Variants in MDM4 observed in about 807,000 individuals in gnomAD.
MDM4 encodes the protein protein Mdm4.
In MDM4, 2 loss-of-function variants were observed where a neutral mutation model predicts 60.2. The observed-to-expected ratio is 0.03, with a 90% CI of 0.01 to 0.10. The LOEUF is 0.10. Among genes scored for constraint, MDM4 ranks in the 10% least tolerant of loss-of-function variants. MDM4 has a pLI of 1.00. For missense variants in MDM4, 447 were observed against 577.5 expected, an observed-to-expected ratio of 0.77 and a Z score of 2.32; for synonymous variants, 202 against 198.1, an observed-to-expected ratio of 1.02 and a Z score of -0.17.
At position 204,549,887 on chromosome 1, in the gene MDM4, T is replaced by TAA; in HGVS notation, c.*205_*206insAA. ...AAATTATTAAGTGCCATGGATTACT[T>TAA]TATGCAGCAGTCAGGTACATAGTTA... On this transcript the variant is annotated 3_prime_UTR_variant, in exon 11 of 11. Transcript: ENST00000367182. The TAA allele has an allele frequency of 2.2e-6, 1 of 448,746 alleles. No homozygotes were observed. The highest frequency in any genetic ancestry group is 3.9e-6 in the Non-Finnish European group (1 of 256,072). 27.8% of individuals were successfully genotyped at this position (448,746 alleles called of 1,614,324 possible).
At chr1:204,537,999 T>C in intron 6 of MDM4, 2 of 757,726 alleles carry the variant, frequency 2.6e-6, no homozygotes, top group East Asian at 2.5e-5. Flanking sequence ...GAGGTTTTTT[T>C]TCCCCCCAGG....
intron 3 of MDM4, chr1:204,528,829 C>CGT: frequency 6.7e-7 from 1 of 1,499,390 alleles, no homozygotes; most frequent in South Asian, 1.1e-5. Flanking sequence ...ACTCCACTCT[C>CGT]CACAGATGGG....
intron 3 of MDM4, chr1:204,528,906 A>C: frequency 6.3e-7 from 1 of 1,594,288 alleles, no homozygotes; most frequent in Non-Finnish European, 8.6e-7. Flanking sequence ...GTTGCCTTGT[A>C]CAGCTGTGTC....
chr1:204,544,267 C>T (rs1662423670), intron 8 of MDM4, among the ~76,000 whole-genome samples: 1 of 152,216 alleles, frequency 6.6e-6, no homozygotes, highest in African/African-American at 2.4e-5. Flanking sequence ...ACCTTTTAAA[C>T]TCTTCAGTAC....
chr1:204,542,492 A>G (rs991094787), intron 7 of MDM4, among the ~76,000 whole-genome samples: 1 of 152,154 alleles, frequency 6.6e-6, no homozygotes, highest in Admixed American at 6.6e-5. Flanking sequence ...CATTGTTCAG[A>G]TGCTTTTAGA....
At chr1:204,548,474 GAATTAAGCAA>G (rs1662883621) in intron 10 of MDM4, among the ~76,000 whole-genome samples, 1 of 152,040 alleles carries the variant, frequency 6.6e-6, no homozygotes, top group Non-Finnish European at 1.5e-5. Flanking sequence ...AGCTATTTTT[GAATTAAGCAA>G]AGCATTTAAA....
intron 3 of MDM4, 54 bp downstream of exon 3, chr1:204,526,488 GAGTCTCC>G: frequency 1.6e-6 from 2 of 1,222,314 alleles, no homozygotes; most frequent in South Asian, 2.7e-5. Flanking sequence ...TTTTGAGATG[GAGTCTCC>G]CTCTTTTGCC....
Position 204,549,931 on chromosome 1 carries a change from ACT to A in MDM4, c.*252_*253del. The A allele has an allele frequency of 2.9e-6, 1 of 343,082 alleles. No individual in the cohort carries two copies. The highest frequency in any genetic ancestry group is 4.4e-5 in the East Asian group (1 of 22,908). 21.3% of individuals were successfully genotyped at this position (343,082 alleles called of 1,614,324 possible). The stretch of plus-strand genomic sequence containing the variant: ...ATAGTTAGGTGAACCCAAAAGAAAA[ACT>A]CTTGAAAACAAGAGATTTCTTCCAT... On this transcript the variant is annotated 3_prime_UTR_variant, in exon 11 of 11. Coordinates refer to ENST00000367182, the MANE Select transcript of MDM4 (RefSeq NM_002393.5).
At position 204,530,732 on chromosome 1, in the gene MDM4, C is replaced by A; in HGVS notation, c.202C>A (p.Gln68Lys). 1 of 1,614,150 alleles carries A rather than the reference C, an allele frequency of 6.2e-7. No individual in the cohort carries two copies. Among genetic ancestry groups the A allele is most frequent in the Non-Finnish European group, 8.5e-7 (1 of 1,180,018 alleles). ...CATAATGGTGAAGCAACTTTATGATCAGCAGGAGCAGCATATGGTATATTG... is the reference window on the plus strand; with the variant it reads ...CATAATGGTGAAGCAACTTTATGATAAGCAGGAGCAGCATATGGTATATTG... The part of the protein sequence containing the change: ...QYIMVKQLYD[Q>K]QEQHMVYCGG... Residue 68 changes from glutamine to lysine, a missense_variant, in exon 4 of 11, where the codon CAG (glutamine) becomes AAG (lysine). By Grantham distance (53) the Gln-to-Lys change is moderately conservative (BLOSUM62 1). This residue lies in a region of MDM4 where 31 missense variants were observed against 87.6 expected (regional missense o/e 0.35). Coordinates refer to ENST00000367182, the MANE Select transcript of MDM4 (RefSeq NM_002393.5).
intron 7 of MDM4, among the ~76,000 whole-genome samples, chr1:204,541,187 G>A (rs577540952): frequency 4.4e-4 from 67 of 152,268 alleles, no homozygotes; most frequent in African/African-American, 1.4e-3. Context: ...GGCTGGGCAT[G>A]GTAGCTCGTG....
chr1:204,529,137 C>A, intron 3 of MDM4: 1 of 1,057,074 alleles, frequency 9.5e-7, no homozygotes, highest in Non-Finnish European at 1.4e-6. Context: ...GGAAGAGCTG[C>A]TTCCACTGCT....
chr1:204,547,177 T>G (rs1035112023), intron 10 of MDM4, among the ~76,000 whole-genome samples: 1 of 152,190 alleles, frequency 6.6e-6, no homozygotes, highest in African/African-American at 2.4e-5. Context: ...CAAAATAGTC[T>G]TGCACTGCTT....
rs7517369 is a variant in MDM4 at position 204,526,197 on chromosome 1, A to G, written c.79-163A>G. On this transcript the variant is annotated intron_variant, in intron 2 of 10. Coordinates refer to ENST00000367182, the MANE Select transcript of MDM4 (RefSeq NM_002393.5). Reference sequence around the variant, plus strand: ...GTTGAGTCTGGGAGGTTGAGGCTGCAGTGACCTGTGATCACACCACTGCAC... The same window carrying G: ...GTTGAGTCTGGGAGGTTGAGGCTGCGGTGACCTGTGATCACACCACTGCAC... Among the ~76,000 whole-genome samples the G allele has an allele frequency of 5.8e-3, 877 of 152,248 alleles. 6 individuals are homozygous for G. The highest frequency in any genetic ancestry group is 0.02 in the African/African-American group (817 of 41,552).
rs1188585733 is a variant in MDM4, at chr1:204,551,682, G to A, written c.*2000G>A. On this transcript the variant is annotated 3_prime_UTR_variant, in exon 11 of 11. Transcript: ENST00000367182. ...TTGGTGTGTTCTCAAGGGTATGCAT[G>A]TGTCATTTTGAAGACCAAGGCCCTA... 9 of 230,960 alleles carry A rather than the reference G, an allele frequency of 3.9e-5. No individual in the cohort carries two copies. The highest frequency in any genetic ancestry group is 7.7e-5 in the Non-Finnish European group (9 of 116,872). 14.3% of individuals were successfully genotyped at this position (230,960 alleles called of 1,614,324 possible). A position where few individuals can be genotyped will look rare whatever the true frequency, so the allele number is the denominator to read the frequency against.
chr1:204,528,275 T>A (rs1363608271), intron 3 of MDM4, among the ~76,000 whole-genome samples: 5 of 152,166 alleles, frequency 3.3e-5, no homozygotes. Context: ...TGGCCAAAGA[T>A]GCCCAGGGAA....
chr1:204,551,651 A>G lies in MDM4; in HGVS notation c.*1969A>G. On this transcript the variant is annotated 3_prime_UTR_variant, in exon 11 of 11. Transcript: ENST00000367182. ...ATGCATGTATCCTTACCCCCATGGG[A>G]AAATGTTGGTGTGTTCTCAAGGGTA... The G allele has an allele frequency of 4.3e-6, 1 of 231,270 alleles. No homozygotes were observed. Among genetic ancestry groups the G allele is most frequent in the Non-Finnish European group, 8.5e-6 (1 of 116,986 alleles). 14.3% of individuals were successfully genotyped at this position (231,270 alleles called of 1,614,324 possible). A position where few individuals can be genotyped will look rare whatever the true frequency, so the allele number is the denominator to read the frequency against.
In MDM4 at chr1:204,525,125, C is replaced by T. The variant is rs1307049524; in HGVS notation, c.-35-359C>T. On this transcript the variant is annotated intron_variant, in intron 1 of 10. Transcript: ENST00000367182. Reference sequence around the variant, plus strand: ...AAACCTGTGACTTACCTTGGTAAATCCCCAGTCTTGCATCTAGAGAGTGCT... The same window carrying T: ...AAACCTGTGACTTACCTTGGTAAATTCCCAGTCTTGCATCTAGAGAGTGCT... 2.0e-5 allele frequency among the ~76,000 whole-genome samples: 3 copies of T among 152,294 alleles called. No homozygotes were observed. The East Asian group carries it at 5.8e-4, about 29-fold the overall frequency.
chr1:204,555,586 TA>T lies in MDM4; in HGVS notation c.*5905del, dbSNP rs1480187023. On this transcript the variant is annotated 3_prime_UTR_variant, in exon 11 of 11. Coordinates refer to ENST00000367182, the MANE Select transcript of MDM4 (RefSeq NM_002393.5). ...GCTTTATCGAAGATTGATATTAGGC[TA>T]GGGGCGGTGGCTTACGCCTGTAATC... 2 of 170,462 alleles carry T rather than the reference TA, an allele frequency of 1.2e-5. No individual in the cohort carries two copies. The highest frequency in any genetic ancestry group is 2.0e-4 in the South Asian group (1 of 4,942). The allele number at this position is 170,462 out of a possible 1,614,324, so 10.6% of individuals were successfully genotyped here.
intron 1 of MDM4, among the ~76,000 whole-genome samples, chr1:204,519,447 C>T (rs906788663): frequency 3.9e-5 from 6 of 152,040 alleles, no homozygotes; most frequent in Non-Finnish European, 7.4e-5. Context: ...GTGGAGGTTG[C>T]GGTGGACCAG....
Sources: allele counts gnomAD v4.1 joint callset (sites outside exome capture counted in the v4.1 genomes callset), GRCh38; gene constraint gnomAD v4.1.1; regional missense constraint gnomAD v4.1.1; transcripts MANE v1.5; gene names NCBI Gene and HGNC (gene_info 2026-07-23, HGNC 2026-07-21).